NBPF20: variants seen among roughly 807,000 people sequenced by gnomAD.
The protein encoded by NBPF20 is NBPF member 20, also known as NBPF family member NBPF20.
NBPF20 carries 90 observed loss-of-function variants against 68.1 expected under a neutral mutation model. The ratio of observed to expected loss-of-function variants is 1.32; its 90% CI spans 1.11 to 1.58. The LOEUF (loss-of-function observed/expected upper bound fraction) is 1.58, where lower values mean the gene tolerates loss of function less well. NBPF20 is among the 40% of genes most tolerant of loss of function. The pLI, the probability that NBPF20 is intolerant of heterozygous loss-of-function variation, is 0.00. For synonymous variants in NBPF20, 290 were observed against 228.1 expected, an observed-to-expected ratio of 1.27 and a Z score of -2.45; for missense variants, 816 against 601.2, an observed-to-expected ratio of 1.36 and a Z score of -3.74.
chr1:145,422,876 C>G, the NBPF20 span, among the ~76,000 whole-genome samples: 1 of 149,718 alleles, frequency 6.7e-6, no homozygotes, highest in African/African-American at 2.5e-5. Flanking sequence ...ATAGTCGCAG[C>G]TACTCAGGAG....
At position 145,291,482 on chromosome 1, in the gene NBPF20, G is replaced by C. The variant is rs781993163; in HGVS notation, c.*44C>G. Reference sequence around the variant, plus strand: ...CATTCAAATCTTCACGTGCCTATAGGTCCTGCCTGCAGGAATGACATCTCT... The same window carrying C: ...CATTCAAATCTTCACGTGCCTATAGCTCCTGCCTGCAGGAATGACATCTCT... On this transcript the variant is annotated 3_prime_UTR_variant, in exon 138 of 138. Transcript: ENST00000369373. 49 of 1,611,984 alleles carry C rather than the reference G, an allele frequency of 3.0e-5. No homozygotes were observed. The African/African-American group carries it at 4.1e-4, about 14-fold the overall frequency.
At chr1:145,307,162 G>A (rs1295414732) in intron 118 of NBPF20, among the ~76,000 whole-genome samples, 71 of 22,408 alleles carry the variant, frequency 3.2e-3, no homozygotes, top group Middle Eastern at 0.05. Context: ...TAGAATGAAG[G>A]AGGAAATCTA....
intron 7 of NBPF20, among the ~76,000 whole-genome samples, chr1:145,396,311 G>GT (rs1363612555): frequency 1.3e-5 from 2 of 151,822 alleles, no homozygotes; most frequent in Non-Finnish European, 2.9e-5. Context: ...AGAAAAAAGA[G>GT]TAAAAAGAAA....
chr1:145,402,281 G>C lies in NBPF20; in HGVS notation c.379C>G (p.Leu127Val), dbSNP rs1259874505. 5 of 1,610,214 alleles carry C rather than the reference G, an allele frequency of 3.1e-6. No individual in the cohort carries two copies. The East Asian group carries it at 1.1e-4, about 36-fold the overall frequency. ...TCATCCGGAGTAAGGAGGGCCTGGA[G>C]ATGCTCATTCAATGAGCGGGAGGCA... is the stretch of plus-strand genomic sequence containing the variant. Residue 127 changes from leucine to valine, a missense_variant, in exon 4 of 138, where the codon CTC becomes GTC. By Grantham distance (32) the Leu-to-Val change is conservative (BLOSUM62 1). Coordinates refer to ENST00000369373, the Ensembl canonical transcript of NBPF20.
At chr1:145,407,884 C>G (rs1662874642), upstream of NBPF20, 1 of 157,764 alleles carries the variant, frequency 6.3e-6, no homozygotes, top group Admixed American at 6.5e-5. Flanking sequence ...AACATCACGC[C>G]AGCTGAGGTT....
upstream of NBPF20, among the ~76,000 whole-genome samples, chr1:145,409,597 G>C (rs1553668494): frequency 1.4e-5 from 2 of 145,072 alleles, no homozygotes; most frequent in African/African-American, 5.1e-5. Flanking sequence ...GGGGTCTGAA[G>C]AAACTCCCCA....
exon 138 of NBPF20, chr1:145,291,521 G>A (rs1157492817): frequency 9.3e-6 from 15 of 1,611,886 alleles, no homozygotes; most frequent in Non-Finnish European, 1.3e-5. Flanking sequence ...CTTAGTAAGG[G>A]CTGTTTATTG....
the NBPF20 span, among the ~76,000 whole-genome samples, chr1:145,416,230 A>T: frequency 1.4e-5 from 2 of 140,918 alleles, no homozygotes; most frequent in Admixed American, 7.2e-5. Flanking sequence ...ATTTTAAAAA[A>T]TTCCTTTTCT....
the NBPF20 span, among the ~76,000 whole-genome samples, chr1:145,421,233 GTGTAGTTAATGCTTCT>G: frequency 6.6e-6 from 1 of 152,294 alleles, no homozygotes; most frequent in South Asian, 2.1e-4. Flanking sequence ...GAGTGTGTGG[GTGTAGTTAATGCTTCT>G]TTGGAATCGC....
chr1:145,397,384 A>G (rs1662302585), intron 7 of NBPF20, among the ~76,000 whole-genome samples: 1 of 152,242 alleles, frequency 6.6e-6, no homozygotes, highest in South Asian at 2.1e-4. Context: ...CAGTCCCACC[A>G]ACAGTGTAAA....
At chr1:145,417,621 CAAAAAAAAAAAA>C in the NBPF20 span, among the ~76,000 whole-genome samples, 1 of 53,174 alleles carries the variant, frequency 1.9e-5, no homozygotes, top group African/African-American at 8.0e-5. Context: ...CAACACAAAG[CAAAAAAAAAAAA>C]AAAAAAAAGG....
At chr1:145,311,066 C>T (rs1661465558) in intron 113 of NBPF20, among the ~76,000 whole-genome samples, 2 of 83,508 alleles carry the variant, frequency 2.4e-5, no homozygotes, top group African/African-American at 1.4e-4. Flanking sequence ...AGAAAGTAAG[C>T]TCAGCGAGTT....
intron 137 of NBPF20, 50 bp from the exon 143 acceptor site, chr1:145,291,819 A>G (rs1329027708): frequency 8.1e-6 from 13 of 1,611,804 alleles, no homozygotes; most frequent in Non-Finnish European, 1.1e-5. Flanking sequence ...ATCAGAAACC[A>G]CAGAGCCCCA....
At chr1:145,400,055 T>A (rs1662442050) in intron 6 of NBPF20, among the ~76,000 whole-genome samples, 1 of 152,064 alleles carries the variant, frequency 6.6e-6, no homozygotes, top group Non-Finnish European at 1.5e-5. Context: ...GCATAGAAAT[T>A]CCATGGACAT....
exon 138 of NBPF20, chr1:145,290,257 C>A (rs77909600): frequency 6.7e-6 from 1 of 148,978 alleles, no homozygotes; most frequent in Non-Finnish European, 1.5e-5. Flanking sequence ...TCTTGAAAAC[C>A]GCTTTCCCAA....
At chr1:145,410,879 A>G in the NBPF20 span, among the ~76,000 whole-genome samples, 12 of 129,450 alleles carry the variant, frequency 9.3e-5, no homozygotes, top group Admixed American at 7.4e-5. Context: ...GTGAATATAT[A>G]TATGTATACA....
chr1:145,401,565 G>A (rs1662525104), intron 4 of NBPF20, among the ~76,000 whole-genome samples: 5 of 126,464 alleles, frequency 4.0e-5, no homozygotes, highest in East Asian at 2.2e-4. Flanking sequence ...CCTCCAAGTG[G>A]CTTCTGCTGT....
At chr1:145,395,582 TC>T (rs1180555488) in intron 7 of NBPF20, among the ~76,000 whole-genome samples, 4 of 149,842 alleles carry the variant, frequency 2.7e-5, no homozygotes, top group Non-Finnish European at 5.9e-5. Context: ...ATTTACTTTT[TC>T]AATTTCTTTT....
intron 9 of NBPF20, 96 bp downstream of exon 14, chr1:145,393,788 G>C: frequency 1.5e-6 from 2 of 1,369,490 alleles, no homozygotes; most frequent in Admixed American, 1.7e-5. Context: ...TGTCTGACAA[G>C]ACAAAATCAT....
Sources: gnomAD v4.1 joint callset for allele counts (sites outside exome capture counted in the v4.1 genomes callset) on GRCh38, gnomAD v4.1.1 for gene constraint, MANE v1.5 for transcripts, NCBI Gene and HGNC (gene_info 2026-07-23, HGNC 2026-07-21) for gene names.